Variants in ARHGAP21 observed in about 807,000 individuals in gnomAD.
ARHGAP21 encodes rho GTPase-activating protein 21.
A neutral mutation model predicts 164.6 loss-of-function variants in ARHGAP21; 38 were observed. That is an observed-to-expected ratio of 0.23 (90% CI 0.18 to 0.30). The LOEUF is 0.30. ARHGAP21 is among the 10% of genes least tolerant of loss of function. The probability of loss-of-function intolerance (pLI) is 1.00; values close to 1 mark genes in which losing one functional copy is unlikely to be tolerated. For synonymous variants in ARHGAP21, 766 were observed against 857.9 expected, an observed-to-expected ratio of 0.89 and a Z score of 1.87; for missense variants, 1,822 against 2,370.7, an observed-to-expected ratio of 0.77 and a Z score of 4.81.
intron 4 of ARHGAP21, among the ~76,000 whole-genome samples, chr10:24,661,652 AAACT>A (rs1194130639): frequency 3.3e-5 from 5 of 152,236 alleles, no homozygotes; most frequent in Non-Finnish European, 2.9e-5. Flanking sequence ...CGATTCCATT[AAACT>A]AACACAAAAT....
chr10:24,628,916 C>CTATATAT (rs1835469043), intron 7 of ARHGAP21: 1 of 99,618 alleles, frequency 1.0e-5, no homozygotes, highest in Non-Finnish European at 1.9e-5. Context: ...CACATATATA[C>CTATATAT]ACATATATAT....
chr10:24,591,746 A>AG, intron 22 of ARHGAP21, 63 bp from the exon 23 acceptor site: 1 of 1,603,706 alleles, frequency 6.2e-7, no homozygotes, highest in South Asian at 1.1e-5. Flanking sequence ...GAGATCTTGG[A>AG]GGATAGTATA....
At chr10:24,628,833 GTACATATATACACA>G (rs1191125473) in intron 7 of ARHGAP21, among the ~76,000 whole-genome samples, 51 of 135,348 alleles carry the variant, frequency 3.8e-4, no homozygotes, top group Non-Finnish European at 5.2e-4. Flanking sequence ...ACACATATAT[GTACATATATACACA>G]TACATATATA....
chr10:24,644,673 A>T (rs1261453813), intron 4 of ARHGAP21, among the ~76,000 whole-genome samples: 2 of 152,006 alleles, frequency 1.3e-5, no homozygotes, highest in Non-Finnish European at 2.9e-5. Flanking sequence ...TAAAATTATC[A>T]CCTCCTAATA....
chr10:24,589,536 C>T, intron 24 of ARHGAP21: 1 of 465,692 alleles, frequency 2.1e-6, no homozygotes, highest in Non-Finnish European at 3.8e-6. Flanking sequence ...ATAGAAATGG[C>T]AAAGGAGCCC....
rs549883470 is a variant in ARHGAP21, at chr10:24,619,455, G to A, written c.2422+18C>T. 6.9e-6 allele frequency: 11 copies of A among 1,594,320 alleles called. No individual in the cohort carries two copies. The highest frequency in any genetic ancestry group is 6.8e-5 in the South Asian group (6 of 87,918). ...TTATACATTTGGCATATTAGCCAAT[G>A]ACTCTAAATGAGCTCACCTATAAAT... On this transcript the variant is annotated intron_variant, in intron 9 of 25. Coordinates refer to ENST00000396432, the MANE Select transcript of ARHGAP21 (RefSeq NM_020824.4).
chr10:24,651,252 A>G (rs1014438195), intron 4 of ARHGAP21, among the ~76,000 whole-genome samples: 36 of 152,190 alleles, frequency 2.4e-4, no homozygotes, highest in African/African-American at 8.7e-4. Flanking sequence ...TTCTTCTAAA[A>G]GACAAGTGTT....
chr10:24,628,860 CACATAT>C (rs1565053394), intron 7 of ARHGAP21, among the ~76,000 whole-genome samples: 2 of 127,432 alleles, frequency 1.6e-5, no homozygotes, highest in African/African-American at 3.0e-5. Context: ...CATATATATA[CACATAT>C]ATACATACAT....
intron 21 of ARHGAP21, among the ~76,000 whole-genome samples, chr10:24,593,423 T>G (rs2076424342): frequency 6.6e-6 from 1 of 152,214 alleles, no homozygotes; most frequent in South Asian, 2.1e-4. Context: ...AAATTTTTAC[T>G]AGACTCTTGA....
At chr10:24,628,385 C>T (rs1275905080) in intron 7 of ARHGAP21, among the ~76,000 whole-genome samples, 1 of 152,030 alleles carries the variant, frequency 6.6e-6, no homozygotes, top group Admixed American at 6.6e-5. Flanking sequence ...TTATAGTTTA[C>T]ATGTCAGTGA....
chr10:24,664,717 T>C (rs1223233321), intron 4 of ARHGAP21, among the ~76,000 whole-genome samples: 1 of 47,312 alleles, frequency 2.1e-5, no homozygotes, highest in African/African-American at 1.6e-4. Context: ...CATGTGGCCA[T>C]AAACCCTTGA....
Position 24,721,828 on chromosome 10 carries a change from C to T in ARHGAP21, c.63+9G>A, listed in dbSNP as rs922832992. 6.2e-7 allele frequency: 1 copy of T among 1,614,120 alleles called. No homozygotes were observed. Among genetic ancestry groups the T allele is most frequent in the Non-Finnish European group, 8.5e-7 (1 of 1,179,994 alleles). ...CCCTGCCGGCCAGGAACGCTGGCTC[C>T]GCGCTTACCTCGCAGGCCTTGAGCT... On this transcript the variant is annotated intron_variant, in intron 2 of 25. Transcript: ENST00000396432.
chr10:24,644,507 G>C (rs1837371976), intron 4 of ARHGAP21, among the ~76,000 whole-genome samples: 1 of 152,074 alleles, frequency 6.6e-6, no homozygotes. Context: ...ACTTCTATCT[G>C]TCTTCCTCCT....
chr10:24,620,587 C>G lies in ARHGAP21; in HGVS notation c.1308G>C (p.Gln436His). The G allele has an allele frequency of 6.2e-7, 1 of 1,614,200 alleles. No individual in the cohort carries two copies. The highest frequency in any genetic ancestry group is 8.5e-7 in the Non-Finnish European group (1 of 1,180,034). ...NQVVPNRTTL[Q>H]GRRRSTSHDR... ...CATGAGAGGTGCTTCGACGTCGTCCCTGCAAAGTAGTGCGGTTGGGGACGA... is the reference window on the plus strand; with the variant it reads ...CATGAGAGGTGCTTCGACGTCGTCCGTGCAAAGTAGTGCGGTTGGGGACGA... The change falls in exon 9 of 26, where the codon CAG becomes CAC. Residue 436 changes from glutamine to histidine, a missense_variant. By Grantham distance (24) the Gln-to-His change is conservative (BLOSUM62 0). Coordinates refer to ENST00000396432, the MANE Select transcript of ARHGAP21 (RefSeq NM_020824.4).
intron 2 of ARHGAP21, among the ~76,000 whole-genome samples, chr10:24,698,658 C>G (rs542703039): frequency 6.6e-6 from 1 of 152,302 alleles, no homozygotes; most frequent in South Asian, 2.1e-4. Context: ...GAATACCCTA[C>G]TAGGGTATAC....
chr10:24,632,317 A>C (rs910491993), intron 6 of ARHGAP21, among the ~76,000 whole-genome samples: 1 of 152,218 alleles, frequency 6.6e-6, no homozygotes, highest in East Asian at 1.9e-4. Flanking sequence ...TTATGGGCTG[A>C]CAAAACATAT....
chr10:24,708,911 A>G (rs942546555), intron 2 of ARHGAP21, among the ~76,000 whole-genome samples: 2 of 152,226 alleles, frequency 1.3e-5, no homozygotes, highest in Admixed American at 6.5e-5. Flanking sequence ...ACAAGAGCAG[A>G]TATCTTTTTG....
intron 7 of ARHGAP21, among the ~76,000 whole-genome samples, chr10:24,623,672 G>A (rs771838329): frequency 2.6e-5 from 4 of 152,174 alleles, no homozygotes; most frequent in Non-Finnish European, 5.9e-5. Context: ...TCCTTGTGTA[G>A]TTTTATTATA....
At chr10:24,704,423 T>A (rs1844018323) in intron 2 of ARHGAP21, among the ~76,000 whole-genome samples, 1 of 151,048 alleles carries the variant, frequency 6.6e-6, no homozygotes. Context: ...CCCGAGTAGC[T>A]GGGACTATAG....
Sources: gnomAD v4.1 joint callset for allele counts (sites outside exome capture counted in the v4.1 genomes callset) on GRCh38, gnomAD v4.1.1 for gene constraint, MANE v1.5 for transcripts, NCBI Gene and HGNC (gene_info 2026-07-23, HGNC 2026-07-21) for gene names.